NCOA6: variants seen among roughly 807,000 people sequenced by gnomAD.
NCOA6 encodes nuclear receptor coactivator 6.
NCOA6 carries 49 observed loss-of-function variants against 171.4 expected under a neutral mutation model. The ratio of observed to expected loss-of-function variants is 0.29; its 90% CI spans 0.23 to 0.36. NCOA6 has a LOEUF of 0.36. NCOA6 is among the 10% of genes least tolerant of loss of function. NCOA6 has a pLI of 1.00. For synonymous variants in NCOA6, 910 were observed against 927.5 expected, an observed-to-expected ratio of 0.98 and a Z score of 0.34; for missense variants, 2,248 against 2,554.5, an observed-to-expected ratio of 0.88 and a Z score of 2.59.
chr20:34,716,261 A>G (rs1201496626), intron 14 of NCOA6, among the ~76,000 whole-genome samples: 1 of 151,788 alleles, frequency 6.6e-6, no homozygotes, highest in African/African-American at 2.4e-5. Flanking sequence ...ACAGTCATGA[A>G]TGCAATTCAG....
intron 8 of NCOA6, among the ~76,000 whole-genome samples, chr20:34,751,688 T>C (rs1280302246): frequency 6.6e-6 from 1 of 152,112 alleles, no homozygotes; most frequent in Admixed American, 6.5e-5. Context: ...TCCTGCGCAG[T>C]CCCTGGTGAA....
Position 34,741,922 on chromosome 20 carries a change from G to C in NCOA6, c.4334C>G (p.Pro1445Arg). Residue 1445 changes from proline (P) to arginine (R), a missense_variant, in exon 11 of 15, where the codon CCT becomes CGT. Transcript: ENST00000359003. Reference sequence around the variant, plus strand: ...GACAACCATTTTAACTTCTTGGGCAGGGACTGCTTTTAGTTCAATGTTTAC... The same window carrying C: ...GACAACCATTTTAACTTCTTGGGCACGGACTGCTTTTAGTTCAATGTTTAC... Reference protein sequence around the residue: ...EQVNIELKAVPAQEVKMVVPE... With the variant: ...EQVNIELKAVRAQEVKMVVPE... 1 of 1,614,200 alleles carries C rather than the reference G, an allele frequency of 6.2e-7. No homozygotes were observed. Among genetic ancestry groups the C allele is most frequent in the Admixed American group, 1.7e-5 (1 of 60,032 alleles).
intron 11 of NCOA6, among the ~76,000 whole-genome samples, chr20:34,738,351 GTATAA>G (rs1387626484): frequency 2.0e-5 from 3 of 152,050 alleles, no homozygotes; most frequent in Non-Finnish European, 4.4e-5. Context: ...TATTTCTCTA[GTATAA>G]TATATGATCC....
chr20:34,744,744 T>C (rs1264994611), intron 10 of NCOA6, among the ~76,000 whole-genome samples: 1 of 152,218 alleles, frequency 6.6e-6, no homozygotes, highest in East Asian at 1.9e-4. Flanking sequence ...ATTTCTATGG[T>C]TCAACTGTCC....
At chr20:34,808,689 C>T (rs1475041282) in intron 1 of NCOA6, among the ~76,000 whole-genome samples, 3 of 152,142 alleles carry the variant, frequency 2.0e-5, no homozygotes, top group Non-Finnish European at 2.9e-5. Flanking sequence ...CCGCCTGCCT[C>T]GACCTCCCGA....
chr20:34,729,882 A>G (rs918793279), intron 13 of NCOA6, among the ~76,000 whole-genome samples: 2 of 152,112 alleles, frequency 1.3e-5, no homozygotes, highest in Non-Finnish European at 2.9e-5. Context: ...AGCTTTATGT[A>G]TAACAGCCGC....
At chr20:34,822,927 TAAC>T (rs937121244) in intron 1 of NCOA6, among the ~76,000 whole-genome samples, 1 of 152,224 alleles carries the variant, frequency 6.6e-6, no homozygotes, top group African/African-American at 2.4e-5. Flanking sequence ...TGTGACTCTG[TAAC>T]AACAGAAATC....
chr20:34,782,062 T>C (rs2077528962), intron 3 of NCOA6, 59 bp downstream of exon 3: 3 of 1,226,466 alleles, frequency 2.4e-6, no homozygotes, highest in African/African-American at 1.5e-5. Flanking sequence ...AAGATAACCA[T>C]GGAAGGGCAA....
intron 3 of NCOA6, among the ~76,000 whole-genome samples, chr20:34,777,700 C>G (rs1253863863): frequency 6.6e-6 from 1 of 151,680 alleles, no homozygotes; most frequent in African/African-American, 2.4e-5. Context: ...GACAGTTTCT[C>G]AAAAAAAATT....
intron 1 of NCOA6, among the ~76,000 whole-genome samples, chr20:34,803,906 G>A (rs1423231836): frequency 1.3e-5 from 2 of 151,740 alleles, no homozygotes; most frequent in Non-Finnish European, 2.9e-5. Flanking sequence ...GCTGAGGCAG[G>A]AGAAATGCCT....
At chr20:34,717,520 T>C (rs1988761298) in intron 14 of NCOA6, among the ~76,000 whole-genome samples, 1 of 152,190 alleles carries the variant, frequency 6.6e-6, no homozygotes, top group South Asian at 2.1e-4. Flanking sequence ...TACAGTAATT[T>C]CATTCAAGCC....
chr20:34,717,043 A>G (rs1481394453), intron 14 of NCOA6, among the ~76,000 whole-genome samples: 3 of 152,252 alleles, frequency 2.0e-5, no homozygotes, highest in African/African-American at 7.2e-5. Context: ...GTTGTATTCA[A>G]GGCAAATTTT....
chr20:34,805,479 C>T (rs1000479095), intron 1 of NCOA6, among the ~76,000 whole-genome samples: 3 of 152,124 alleles, frequency 2.0e-5, no homozygotes, highest in Non-Finnish European at 2.9e-5. Flanking sequence ...CTACAAATGA[C>T]AAGATTTCAT....
intron 5 of NCOA6, among the ~76,000 whole-genome samples, chr20:34,760,166 A>G (rs1051007645): frequency 3.9e-5 from 6 of 152,176 alleles, no homozygotes; most frequent in African/African-American, 1.2e-4. Context: ...ATTCCTAGCT[A>G]TTTAGGAAGC....
At chr20:34,765,123 G>GA (rs753843488) in intron 5 of NCOA6, among the ~76,000 whole-genome samples, 221 of 131,194 alleles carry the variant, frequency 1.7e-3, no homozygotes, top group Non-Finnish European at 1.9e-3. Flanking sequence ...TGCTTCACAA[G>GA]AAAAAAAAAA....
intron 2 of NCOA6, among the ~76,000 whole-genome samples, chr20:34,787,657 G>A (rs1033244364): frequency 2.6e-5 from 4 of 152,098 alleles, no homozygotes; most frequent in African/African-American, 7.2e-5. Flanking sequence ...ATGCAGGACC[G>A]GCAAGCCTCC....
intron 4 of NCOA6, among the ~76,000 whole-genome samples, chr20:34,772,876 ATAATTC>A (rs1436572401): frequency 6.6e-6 from 1 of 152,238 alleles, no homozygotes; most frequent in Non-Finnish European, 1.5e-5. Flanking sequence ...GTTGATAATT[ATAATTC>A]TATTTCTACT....
At chr20:34,755,579 A>C (rs1179958494) in intron 7 of NCOA6, among the ~76,000 whole-genome samples, 1 of 152,202 alleles carries the variant, frequency 6.6e-6, no homozygotes. Flanking sequence ...TAATTTTAGA[A>C]AACTTGTAAT....
chr20:34,744,316 T>C (rs776034749), intron 10 of NCOA6, among the ~76,000 whole-genome samples: 1 of 152,194 alleles, frequency 6.6e-6, no homozygotes, highest in Non-Finnish European at 1.5e-5. Flanking sequence ...TTACTTGGCA[T>C]TTTAGAACCA....
Sources: gnomAD v4.1 joint callset for allele counts (sites outside exome capture counted in the v4.1 genomes callset) on GRCh38, gnomAD v4.1.1 for gene constraint, MANE v1.5 for transcripts, NCBI Gene and HGNC (gene_info 2026-07-23, HGNC 2026-07-21) for gene names.